Variants in MAST4 observed in about 807,000 individuals in gnomAD.
The protein encoded by MAST4 is microtubule-associated serine/threonine-protein kinase 4.
MAST4 carries 89 observed loss-of-function variants against 162.7 expected under a neutral mutation model. The observed-to-expected ratio is 0.55, with a 90% confidence interval of 0.46 to 0.65. The LOEUF (loss-of-function observed/expected upper bound fraction) is 0.65, where lower values mean the gene tolerates loss of function less well. MAST4 is among the 30% of genes least tolerant of loss of function. The probability of loss-of-function intolerance (pLI) is 0.00; values close to 1 mark genes in which losing one functional copy is unlikely to be tolerated. For missense variants in MAST4, 3,153 were observed against 3,374.0 expected (o/e 0.93, Z 1.62); for synonymous variants, 1,479 against 1,361.1 (o/e 1.09, Z -1.91).
intron 11 of MAST4, among the ~76,000 whole-genome samples, chr5:67,113,337 A>AC (rs1766486139): frequency 6.6e-6 from 1 of 150,720 alleles, no homozygotes; most frequent in African/African-American, 2.4e-5. Flanking sequence ...AAAAAAAAAA[A>AC]AGGATGAAGA....
At chr5:66,848,955 G>A (rs1175549893) in intron 3 of MAST4, among the ~76,000 whole-genome samples, 11 of 152,160 alleles carry the variant, frequency 7.2e-5, no homozygotes, top group Non-Finnish European at 2.9e-5. Flanking sequence ...GTTCCCCAGC[G>A]TTATGCTCTT....
At chr5:66,964,807 A>T (rs1554074093) in intron 4 of MAST4, among the ~76,000 whole-genome samples, 1 of 152,246 alleles carries the variant, frequency 6.6e-6, no homozygotes, top group Non-Finnish European at 1.5e-5. Context: ...CGTCTCAAAA[A>T]AGAAAAAATC....
chr5:66,750,602 G>T (rs923957260), intron 1 of MAST4, among the ~76,000 whole-genome samples: 1 of 152,186 alleles, frequency 6.6e-6, no homozygotes, highest in African/African-American at 2.4e-5. Context: ...TTAAAAAACG[G>T]CGCACCAGGA....
chr5:66,621,827 A>G (rs1240480512), intron 1 of MAST4, among the ~76,000 whole-genome samples: 1 of 152,196 alleles, frequency 6.6e-6, no homozygotes, highest in Non-Finnish European at 1.5e-5. Context: ...TATGTCAGGC[A>G]ATGGGTTAGA....
At chr5:66,624,657 A>C (rs566504532) in intron 1 of MAST4, among the ~76,000 whole-genome samples, 2 of 152,336 alleles carry the variant, frequency 1.3e-5, no homozygotes, top group South Asian at 4.1e-4. Flanking sequence ...TTACAACGCT[A>C]TAGTAATCAC....
intron 23 of MAST4, among the ~76,000 whole-genome samples, chr5:67,147,813 T>C (rs186581971): frequency 2.8e-4 from 43 of 152,342 alleles, no homozygotes; most frequent in African/African-American, 9.6e-4. Context: ...AGAATGAGTT[T>C]AGCATATAGG....
chr5:66,833,259 C>T (rs907460993), intron 3 of MAST4, among the ~76,000 whole-genome samples: 5 of 152,132 alleles, frequency 3.3e-5, no homozygotes, highest in Non-Finnish European at 4.4e-5. Context: ...TTCTAGTTCC[C>T]ACCTTTGATT....
chr5:66,596,842 C>T lies in MAST4; in HGVS notation c.187C>T (p.Pro63Ser). Residue 63 changes from proline (P) to serine (S), a missense_variant, in exon 1 of 29, where the codon CCG becomes TCG. Pro to Ser is a moderately conservative substitution (Grantham distance 74, BLOSUM62 -1). This residue lies in a region of MAST4 where 327 missense variants were observed against 336.5 expected (regional missense o/e 0.97). Transcript: ENST00000403625. ...CGGCGGCTTCTCCAGAGAGCATCAGCCGCCGCCGCCGCCGCCGTTGGGAGG... is the reference window on the plus strand; with the variant it reads ...CGGCGGCTTCTCCAGAGAGCATCAGTCGCCGCCGCCGCCGCCGTTGGGAGG... ...EPGGFSREHQ[P>S]PPPPPLGGTL... is the part of the protein sequence containing the mutation. 7 of 1,282,232 alleles carry T rather than the reference C, an allele frequency of 5.5e-6. No homozygotes were observed. Among genetic ancestry groups the T allele is most frequent in the Non-Finnish European group, 6.9e-6 (7 of 1,014,636 alleles). 79.4% of individuals were successfully genotyped at this position (1,282,232 alleles called of 1,614,324 possible).
chr5:66,685,641 A>G (rs1234975161), intron 1 of MAST4, among the ~76,000 whole-genome samples: 2 of 152,210 alleles, frequency 1.3e-5, no homozygotes, highest in African/African-American at 4.8e-5. Flanking sequence ...TAGGTTCACT[A>G]TAAGTTTGTC....
chr5:66,794,246 G>A (rs1755546708), intron 3 of MAST4, among the ~76,000 whole-genome samples: 2 of 152,210 alleles, frequency 1.3e-5, no homozygotes, highest in Admixed American at 1.3e-4. Context: ...AAAGCAGAGT[G>A]GTTGAGAGCA....
At chr5:66,807,702 T>C (rs1042231488) in intron 3 of MAST4, among the ~76,000 whole-genome samples, 6 of 152,302 alleles carry the variant, frequency 3.9e-5, no homozygotes, top group Admixed American at 2.0e-4. Context: ...CTCATACTCA[T>C]GGGAACCGTA....
Position 67,113,830 on chromosome 5 carries a change from G to A in MAST4, c.1459-257G>A, listed in dbSNP as rs1026297549. On this transcript the variant is annotated intron_variant, in intron 11 of 28. Coordinates refer to ENST00000403625, the MANE Select transcript of MAST4 (RefSeq NM_001164664.2). Reference sequence around the variant, plus strand: ...ATCTTAAGTGGAGCATAGTACCTTCGTAGTTACATTACAAGCAAATTGGAA... The same window carrying A: ...ATCTTAAGTGGAGCATAGTACCTTCATAGTTACATTACAAGCAAATTGGAA... Among the ~76,000 whole-genome samples, 18 of 152,162 alleles carry A rather than the reference G, an allele frequency of 1.2e-4. No individual in the cohort carries two copies. In the East Asian group the frequency reaches 2.3e-3, roughly 20 times the overall value.
intron 4 of MAST4, among the ~76,000 whole-genome samples, chr5:67,034,776 C>T (rs1755800041): frequency 6.6e-6 from 1 of 152,082 alleles, no homozygotes; most frequent in African/African-American, 2.4e-5. Flanking sequence ...ACAATAAAAG[C>T]TGGGAAAAGA....
intron 1 of MAST4, among the ~76,000 whole-genome samples, chr5:66,716,374 AG>A (rs1421489664): frequency 6.6e-6 from 1 of 152,060 alleles, no homozygotes; most frequent in African/African-American, 2.4e-5. Context: ...GTATTTAGAG[AG>A]GGGGTCTTAC....
chr5:67,091,492 G>C (rs978990270), intron 6 of MAST4, among the ~76,000 whole-genome samples: 1 of 152,008 alleles, frequency 6.6e-6, no homozygotes, highest in African/African-American at 2.4e-5. Flanking sequence ...AAAATGTACT[G>C]GTCCCAGAAA....
chr5:67,063,377 A>C (rs1487421691), intron 5 of MAST4, among the ~76,000 whole-genome samples: 1 of 152,200 alleles, frequency 6.6e-6, no homozygotes, highest in African/African-American at 2.4e-5. Flanking sequence ...ATGCAGATCC[A>C]TCTGCCCTGT....
intron 1 of MAST4, among the ~76,000 whole-genome samples, chr5:66,710,497 C>T (rs59596869): frequency 0.048 from 7,323 of 152,174 alleles, 537 homozygotes; most frequent in African/African-American, 0.15. Flanking sequence ...TATAGACGCA[C>T]GTTACATCTT....
chr5:66,640,849 T>G (rs530983068), intron 1 of MAST4, among the ~76,000 whole-genome samples: 1 of 152,272 alleles, frequency 6.6e-6, no homozygotes, highest in African/African-American at 2.4e-5. Flanking sequence ...CCATTAGCAA[T>G]GTACCAGGGT....
At chr5:66,905,302 C>CAA (rs60337775) in intron 4 of MAST4, among the ~76,000 whole-genome samples, 1,935 of 78,314 alleles carry the variant, frequency 0.025, 91 homozygotes, top group African/African-American at 0.038. Context: ...AACTCTGTCT[C>CAA]AAAAAAAAAA....
Sources: allele counts gnomAD v4.1 joint callset (sites outside exome capture counted in the v4.1 genomes callset), GRCh38; gene constraint gnomAD v4.1.1; regional missense constraint gnomAD v4.1.1; transcripts MANE v1.5; gene names NCBI Gene and HGNC (gene_info 2026-07-23, HGNC 2026-07-21).